The following TBC1D12 variants were observed in gnomAD, a reference collection of about 807,000 sequenced individuals.
TBC1D12 encodes TBC1 domain family, member 12.
TBC1D12 carries 56 observed loss-of-function variants against 86.7 expected under a neutral mutation model. That is an observed-to-expected ratio of 0.65 (90% CI 0.52 to 0.81). The LOEUF is 0.81. Ranked by LOEUF, TBC1D12 falls within the 30% of genes least tolerant of loss-of-function variation. TBC1D12 has a pLI of 0.00. For missense variants in TBC1D12, 1,023 were observed against 1,038.8 expected (o/e 0.98, Z 0.21); for synonymous variants, 421 against 411.7 (o/e 1.02, Z -0.27).
rs760734552 is a variant in TBC1D12 at position 94,402,964 on chromosome 10, C to T, written c.351C>T (p.His117=). ...GCCTGCTGGGCTCGGGCTCCAAACA[C>T]CGCGGCGCGGAGGTGGCTGATGGCC... ...DACLLGSGSK[H]RGAEVADGRA... The change falls in exon 1 of 13, where the codon CAC becomes CAT. Residue 117 remains histidine, a synonymous_variant. Coordinates refer to ENST00000225235, the MANE Select transcript of TBC1D12 (RefSeq NM_015188.2). 16 of 1,574,644 alleles carry T rather than the reference C, an allele frequency of 1.0e-5. No individual in the cohort carries two copies. The African/African-American group carries it at 2.0e-4, about 19-fold the overall frequency.
chr10:94,464,982 A>G (rs961320892), intron 2 of TBC1D12, among the ~76,000 whole-genome samples: 3 of 152,222 alleles, frequency 2.0e-5, no homozygotes, highest in Non-Finnish European at 4.4e-5. Context: ...GTACATGAAG[A>G]AAATCTCACA....
chr10:94,430,458 C>A (rs2055200235), intron 1 of TBC1D12, among the ~76,000 whole-genome samples: 1 of 152,142 alleles, frequency 6.6e-6, no homozygotes, highest in African/African-American at 2.4e-5. Flanking sequence ...GATCCAAGCA[C>A]TCTACATTCT....
At chr10:94,465,886 A>AT (rs1175115847) in intron 2 of TBC1D12, among the ~76,000 whole-genome samples, 5 of 151,120 alleles carry the variant, frequency 3.3e-5, no homozygotes, top group African/African-American at 9.7e-5. Context: ...ACATGTATGT[A>AT]TATACATACA....
chr10:94,498,853 C>T (rs561150323), intron 5 of TBC1D12, among the ~76,000 whole-genome samples: 55 of 151,950 alleles, frequency 3.6e-4, no homozygotes, highest in Non-Finnish European at 6.6e-4. Flanking sequence ...ACCGCAACCC[C>T]GACCTCCCTG....
At chr10:94,466,534 A>C (rs1477712974) in intron 2 of TBC1D12, among the ~76,000 whole-genome samples, 1 of 152,092 alleles carries the variant, frequency 6.6e-6, no homozygotes, top group Non-Finnish European at 1.5e-5. Flanking sequence ...CTTACTTTCA[A>C]TTGCTTTCCT....
At chr10:94,478,185 C>T (rs1179951220) in intron 3 of TBC1D12, among the ~76,000 whole-genome samples, 1 of 151,986 alleles carries the variant, frequency 6.6e-6, no homozygotes, top group Non-Finnish European at 1.5e-5. Context: ...TTTCTTGAGC[C>T]CAGGAGTTTG....
At chr10:94,486,297 G>A (rs1212955300) in intron 3 of TBC1D12, among the ~76,000 whole-genome samples, 1 of 151,822 alleles carries the variant, frequency 6.6e-6, no homozygotes, top group African/African-American at 2.4e-5. Context: ...AAAGGCACAT[G>A]CCACCATGCC....
At chr10:94,478,681 A>G (rs1470160760) in intron 3 of TBC1D12, among the ~76,000 whole-genome samples, 2 of 152,260 alleles carry the variant, frequency 1.3e-5, no homozygotes, top group African/African-American at 4.8e-5. Context: ...CTAAAGGTCA[A>G]GAGCCATCAC....
At chr10:94,481,790 C>CT (rs140902012) in intron 3 of TBC1D12, among the ~76,000 whole-genome samples, 60,534 of 148,392 alleles carry the variant, frequency 0.41, 12,471 homozygotes, top group East Asian at 0.73. Context: ...CCTATCTTGG[C>CT]TTTTTTTTTT....
chr10:94,437,307 G>A (rs2134084442), intron 1 of TBC1D12, among the ~76,000 whole-genome samples: 1 of 151,572 alleles, frequency 6.6e-6, no homozygotes, highest in East Asian at 1.9e-4. Flanking sequence ...TCTTTCCTCA[G>A]ATTTGGGAAG....
intron 2 of TBC1D12, among the ~76,000 whole-genome samples, chr10:94,442,870 T>C (rs977178852): frequency 1.9e-4 from 29 of 152,348 alleles, no homozygotes; most frequent in African/African-American, 5.8e-4. Context: ...CTTTTATTGC[T>C]CAGAAGAAAA....
chr10:94,446,327 C>G (rs2055461370), intron 2 of TBC1D12, among the ~76,000 whole-genome samples: 4 of 152,136 alleles, frequency 2.6e-5, no homozygotes. Context: ...TAGGACACTT[C>G]TGTCATGTTT....
intron 3 of TBC1D12, among the ~76,000 whole-genome samples, chr10:94,489,205 T>C (rs1404019502): frequency 6.6e-6 from 1 of 152,220 alleles, no homozygotes; most frequent in Non-Finnish European, 1.5e-5. Flanking sequence ...GCGCTTCCCC[T>C]CTGGCTAGTG....
At chr10:94,505,582 G>T (rs558221005) in intron 6 of TBC1D12, among the ~76,000 whole-genome samples, 5 of 151,918 alleles carry the variant, frequency 3.3e-5, no homozygotes, top group South Asian at 2.1e-4. Context: ...CAAAAAATAA[G>T]AAGAAGAAGA....
At chr10:94,528,770 C>T (rs1401246435) in intron 11 of TBC1D12, among the ~76,000 whole-genome samples, 12 of 149,678 alleles carry the variant, frequency 8.0e-5, no homozygotes, top group African/African-American at 2.7e-4. Context: ...TGCAGTGAGC[C>T]GAGATCCTGC....
At chr10:94,518,211 C>CTTTTCT (rs1183096027) in intron 9 of TBC1D12, among the ~76,000 whole-genome samples, 1 of 151,356 alleles carries the variant, frequency 6.6e-6, no homozygotes, top group Non-Finnish European at 1.5e-5. Context: ...TCTTTTTTTT[C>CTTTTCT]TTTTCTTTTT....
At chr10:94,418,555 CTAT>C (rs147676016) in intron 1 of TBC1D12, among the ~76,000 whole-genome samples, 4,281 of 149,512 alleles carry the variant, frequency 0.029, 88 homozygotes, top group South Asian at 0.047. Context: ...ATACTTTGGT[CTAT>C]TATTATTATT....
At chr10:94,461,729 A>AC in intron 2 of TBC1D12, among the ~76,000 whole-genome samples, 1 of 108,484 alleles carries the variant, frequency 9.2e-6, no homozygotes, top group Admixed American at 9.6e-5. Flanking sequence ...CAGCACTGCC[A>AC]GAGGTTTCAG....
intron 2 of TBC1D12, among the ~76,000 whole-genome samples, chr10:94,472,372 ATCT>A (rs1253008419): frequency 6.6e-6 from 1 of 152,198 alleles, no homozygotes; most frequent in Non-Finnish European, 1.5e-5. Flanking sequence ...ATGAGTATAC[ATCT>A]TTGTGCCTCA....
Sources: allele counts gnomAD v4.1 joint callset (sites outside exome capture counted in the v4.1 genomes callset), GRCh38; gene constraint gnomAD v4.1.1; transcripts MANE v1.5; gene names NCBI Gene and HGNC (gene_info 2026-07-23, HGNC 2026-07-21).